The following TET3 variants were observed in gnomAD, a reference collection of about 807,000 sequenced individuals.
TET3 encodes methylcytosine dioxygenase TET3.
TET3 carries 19 observed loss-of-function variants against 141.4 expected under a neutral mutation model. The ratio of observed to expected loss-of-function variants is 0.13; its 90% confidence interval spans 0.09 to 0.20. The LOEUF is 0.20. Ranked by LOEUF, TET3 falls within the 10% of genes least tolerant of loss-of-function variation. The pLI, the probability that TET3 is intolerant of heterozygous loss-of-function variation, is 1.00. For synonymous variants in TET3, 1,043 were observed against 980.9 expected, an observed-to-expected ratio of 1.06 and a Z score of -1.18; for missense variants, 1,874 against 2,356.9, an observed-to-expected ratio of 0.80 and a Z score of 4.24.
At chr2:74,030,681 G>A (rs998292567) in intron 3 of TET3, among the ~76,000 whole-genome samples, 1 of 152,300 alleles carries the variant, frequency 6.6e-6, no homozygotes, top group East Asian at 1.9e-4. Flanking sequence ...CCTGGCCTGG[G>A]AGCTGGGTGA....
intron 3 of TET3, among the ~76,000 whole-genome samples, chr2:74,034,573 A>AT (rs1249283429): frequency 1.5e-5 from 2 of 131,832 alleles, no homozygotes; most frequent in Admixed American, 7.6e-5. Flanking sequence ...TCGAGCATTG[A>AT]TTAAAAAAAA....
At chr2:74,015,155 G>A (rs575752413) in intron 3 of TET3, among the ~76,000 whole-genome samples, 109 of 152,292 alleles carry the variant, frequency 7.2e-4, no homozygotes, top group Non-Finnish European at 3.2e-4. Context: ...TGCCTTGGGG[G>A]AAGATATTCT....
intron 4 of TET3, among the ~76,000 whole-genome samples, chr2:74,059,762 A>G (rs1021683297): frequency 6.6e-6 from 1 of 152,030 alleles, no homozygotes; most frequent in African/African-American, 2.4e-5. Flanking sequence ...TGCCCAGGCT[A>G]GTCTCCCACC....
chr2:73,984,743 C>T (rs1683908170), upstream of TET3, among the ~76,000 whole-genome samples: 1 of 150,138 alleles, frequency 6.7e-6, no homozygotes, highest in African/African-American at 2.4e-5. This position sits in a 1 kb window ranked among gnomAD's most constrained non-coding sequence, Gnocchi z 5.6. Flanking sequence ...CTGCCCCAAG[C>T]CGCTCGCAGG....
intron 3 of TET3, among the ~76,000 whole-genome samples, chr2:74,032,069 G>A (rs1318967018): frequency 6.6e-6 from 1 of 152,182 alleles, no homozygotes; most frequent in Non-Finnish European, 1.5e-5. Context: ...AAACGTAAAG[G>A]TGCTTATTTA....
Position 74,101,624 on chromosome 2 carries a change from G to A in TET3, c.4836G>A (p.Pro1612=), listed in dbSNP as rs867694814. The A allele has an allele frequency of 3.0e-5, 49 of 1,613,054 alleles. No individual in the cohort carries two copies. Among genetic ancestry groups the A allele is most frequent in the Middle Eastern group, 3.3e-4 (2 of 6,068 alleles). ...ACCCCTTCAGCCTGGAGGAGGGGCCGGCTGAGGAGCCCCCCAGCAAGGGAG... is the reference window on the plus strand; with the variant it reads ...ACCCCTTCAGCCTGGAGGAGGGGCCAGCTGAGGAGCCCCCCAGCAAGGGAG... The part of the protein sequence containing the change: ...LWDPFSLEEG[P]AEEPPSKGAV... The change falls in exon 12 of 12, where the codon CCG becomes CCA. Residue 1612 remains proline (P), a synonymous_variant. Transcript: ENST00000409262. The surrounding 1 kb of genome is among the most constrained non-coding windows in gnomAD (Gnocchi z 8.5).
the TET3 span, among the ~76,000 whole-genome samples, chr2:74,122,608 G>A: frequency 7.2e-6 from 1 of 138,720 alleles, no homozygotes; most frequent in Non-Finnish European, 1.5e-5. Flanking sequence ...CGACCTCCCA[G>A]GCTCAAGCTG....
intron 3 of TET3, among the ~76,000 whole-genome samples, chr2:74,004,687 G>C (rs1177771100): frequency 5.3e-5 from 8 of 152,146 alleles, no homozygotes; most frequent in African/African-American, 1.9e-4. Context: ...AGGTGACAGA[G>C]GGCAGTTGAT....
intron 2 of TET3, among the ~76,000 whole-genome samples, chr2:73,994,937 A>G (rs1202989383): frequency 6.7e-6 from 1 of 149,550 alleles, no homozygotes; most frequent in Non-Finnish European, 1.5e-5. Flanking sequence ...GTCCTGGCCT[A>G]TCAGGTCTAT....
chr2:74,086,264 C>G (rs920811189), intron 6 of TET3, among the ~76,000 whole-genome samples: 1 of 152,214 alleles, frequency 6.6e-6, no homozygotes, highest in African/African-American at 2.4e-5. Context: ...AGCTCCCAGG[C>G]CTCTTGGCCC....
chr2:73,993,056 G>A (rs925416902), intron 2 of TET3, among the ~76,000 whole-genome samples: 1 of 152,186 alleles, frequency 6.6e-6, no homozygotes, highest in African/African-American at 2.4e-5. Context: ...TAGATCAGGG[G>A]TTCCACATTG....
At chr2:74,061,102 C>T (rs1427362501) in intron 4 of TET3, among the ~76,000 whole-genome samples, 4 of 150,860 alleles carry the variant, frequency 2.7e-5, no homozygotes, top group African/African-American at 9.7e-5. Flanking sequence ...CGGGCAGAGG[C>T]GCCCCTCACC....
chr2:74,012,151 G>C (rs944427207), intron 3 of TET3, among the ~76,000 whole-genome samples: 9 of 152,098 alleles, frequency 5.9e-5, no homozygotes, highest in African/African-American at 2.2e-4. Context: ...TGTAGAGACA[G>C]GGTTTTACCA....
At chr2:74,011,436 C>T (rs1021802867) in intron 3 of TET3, among the ~76,000 whole-genome samples, 5 of 152,180 alleles carry the variant, frequency 3.3e-5, no homozygotes, top group African/African-American at 7.2e-5. Context: ...TACAGTAGTA[C>T]GTGCTGGCTT....
chr2:74,089,899 G>A lies in TET3; in HGVS notation c.2891G>A (p.Arg964Gln), dbSNP rs1558784441. 2 of 1,614,018 alleles carry A rather than the reference G, an allele frequency of 1.2e-6. No individual in the cohort carries two copies. Among genetic ancestry groups the A allele is most frequent in the Non-Finnish European group, 1.7e-6 (2 of 1,179,886 alleles). The change falls in exon 8 of 12, where the codon CGG becomes CAG. Residue 964 changes from arginine to glutamine, a missense_variant and splice_region_variant. Transcript: ENST00000409262. The part of the protein sequence containing the change: ...TSRRCGLNDD[R>Q]TCACQGKDPN... ...CTGACCTGTGCTGTGTGTTGCAGCC[G>A]GACCTGCGCTTGCCAAGGCAAAGAC... is the stretch of plus-strand genomic sequence containing the variant.
intron 2 of TET3, among the ~76,000 whole-genome samples, chr2:73,997,205 G>C (rs1257163666): frequency 6.6e-6 from 1 of 152,234 alleles, no homozygotes; most frequent in East Asian, 1.9e-4. Flanking sequence ...TGCTGGGTGG[G>C]GGAAGTCTCA....
intron 6 of TET3, among the ~76,000 whole-genome samples, chr2:74,084,809 C>A (rs1260520908): frequency 1.3e-5 from 2 of 152,026 alleles, no homozygotes; most frequent in Non-Finnish European, 1.5e-5. Context: ...TGGTAGCATG[C>A]GCCTGTAGTC....
chr2:74,117,096 G>A, the TET3 span, among the ~76,000 whole-genome samples: 1 of 152,148 alleles, frequency 6.6e-6, no homozygotes, highest in Non-Finnish European at 1.5e-5. Flanking sequence ...GTAAGAAGGG[G>A]TCAGATTGTG....
intron 3 of TET3, among the ~76,000 whole-genome samples, chr2:74,039,709 T>G (rs1208483522): frequency 2.0e-5 from 3 of 152,176 alleles, no homozygotes; most frequent in Non-Finnish European, 2.9e-5. Context: ...ATGACTGGGC[T>G]GGAATCCTCG....
Sources: gnomAD v4.1 joint callset for allele counts (sites outside exome capture counted in the v4.1 genomes callset) on GRCh38, gnomAD v4.1.1 for gene constraint, Gnocchi (gnomAD v3.1) non-coding constraint, MANE v1.5 for transcripts, NCBI Gene and HGNC (gene_info 2026-07-23, HGNC 2026-07-21) for gene names.